KLHL1: variants seen among roughly 807,000 people sequenced by gnomAD.
The protein encoded by KLHL1 is kelch like family member 1, also known as kelch-like protein 1.
In KLHL1, 47 loss-of-function variants were observed where a neutral mutation model predicts 77.7. That is an observed-to-expected ratio of 0.60 (90% CI 0.48 to 0.77). The LOEUF (loss-of-function observed/expected upper bound fraction) is 0.77, where lower values mean the gene tolerates loss of function less well. Ranked by LOEUF, KLHL1 falls within the 30% of genes least tolerant of loss-of-function variation. KLHL1 has a pLI of 0.00. For missense variants in KLHL1, 925 were observed against 910.8 expected (o/e 1.02, Z -0.20); for synonymous variants, 360 against 325.2 (o/e 1.11, Z -1.15).
At chr13:69,780,852 AT>A (rs1421456742) in intron 7 of KLHL1, among the ~76,000 whole-genome samples, 1 of 150,028 alleles carries the variant, frequency 6.7e-6, no homozygotes, top group Non-Finnish European at 1.5e-5. Flanking sequence ...TTAACATCAC[AT>A]TTCCCCCATG....
At chr13:70,075,771 A>ATG (rs1484131964) in intron 1 of KLHL1, among the ~76,000 whole-genome samples, 1 of 146,314 alleles carries the variant, frequency 6.8e-6, no homozygotes, top group Non-Finnish European at 1.5e-5. Context: ...ATATATATAT[A>ATG]TACATATATA....
chr13:69,734,261 CT>C (rs1368197204), intron 8 of KLHL1, among the ~76,000 whole-genome samples: 3 of 152,146 alleles, frequency 2.0e-5, no homozygotes, highest in Non-Finnish European at 4.4e-5. Flanking sequence ...CTGCTCCCCC[CT>C]GGCCTTCTGC....
chr13:70,068,626 G>A (rs180910147), intron 1 of KLHL1, among the ~76,000 whole-genome samples: 1 of 152,294 alleles, frequency 6.6e-6, no homozygotes, highest in East Asian at 1.9e-4. Flanking sequence ...TGCCTATTTT[G>A]TGAGTGGAAA....
chr13:69,966,728 C>T (rs1884222372), intron 2 of KLHL1, among the ~76,000 whole-genome samples: 1 of 151,762 alleles, frequency 6.6e-6, no homozygotes, highest in African/African-American at 2.4e-5. Flanking sequence ...GTACATTGTA[C>T]CCATTAATCA....
intron 4 of KLHL1, among the ~76,000 whole-genome samples, chr13:69,931,959 A>C (rs1278777814): frequency 6.6e-6 from 1 of 151,836 alleles, no homozygotes; most frequent in African/African-American, 2.4e-5. Context: ...AGGCACAAAA[A>C]TATTTTAAAT....
chr13:69,741,327 G>C (rs1046370092), intron 7 of KLHL1, among the ~76,000 whole-genome samples: 1 of 152,006 alleles, frequency 6.6e-6, no homozygotes, highest in African/African-American at 2.4e-5. Flanking sequence ...GTGCTCTTTA[G>C]CTGTACAGAA....
intron 1 of KLHL1, among the ~76,000 whole-genome samples, chr13:70,049,795 A>G (rs1320424891): frequency 6.6e-6 from 1 of 152,090 alleles, no homozygotes; most frequent in Admixed American, 6.6e-5. Context: ...TAGAAATTCA[A>G]ACTTAGTATT....
At chr13:69,727,563 G>A (rs1873357642) in intron 8 of KLHL1, among the ~76,000 whole-genome samples, 1 of 152,102 alleles carries the variant, frequency 6.6e-6, no homozygotes, top group Non-Finnish European at 1.5e-5. Flanking sequence ...GTCAAGAAAA[G>A]AGAATGGAGA....
rs1373826392 is a variant in KLHL1, at chr13:69,975,609, G to C, written c.680+11C>G. ...TGAATGCATGTTTCCAGTAGAGGCA[G>C]ACTACTGTACCTATGTGCAGGTATC... is the stretch of plus-strand genomic sequence containing the variant. On this transcript the variant is annotated intron_variant, in intron 2 of 10. Transcript: ENST00000377844. The C allele has an allele frequency of 3.1e-6, 5 of 1,604,298 alleles. No individual in the cohort carries two copies. Among genetic ancestry groups the C allele is most frequent in the Non-Finnish European group, 4.2e-6 (5 of 1,176,492 alleles).
intron 1 of KLHL1, among the ~76,000 whole-genome samples, chr13:70,043,714 C>G (rs1240735149): frequency 1.3e-5 from 2 of 152,212 alleles, no homozygotes; most frequent in African/African-American, 2.4e-5. Context: ...CTAGAAGCAA[C>G]AGACTATACC....
intron 1 of KLHL1, among the ~76,000 whole-genome samples, chr13:70,016,046 A>T (rs941501489): frequency 3.9e-5 from 6 of 152,206 alleles, no homozygotes; most frequent in African/African-American, 1.4e-4. Context: ...TTTTAATGAA[A>T]ATATCAATTT....
At chr13:69,724,121 T>G (rs768654387) in intron 8 of KLHL1, among the ~76,000 whole-genome samples, 1 of 152,096 alleles carries the variant, frequency 6.6e-6, no homozygotes, top group African/African-American at 2.4e-5. Context: ...AGTCGTGAGA[T>G]ACCGTGCCTG....
chr13:69,914,806 T>C (rs1342955712), intron 4 of KLHL1, among the ~76,000 whole-genome samples: 1 of 152,126 alleles, frequency 6.6e-6, no homozygotes, highest in Non-Finnish European at 1.5e-5. Context: ...GGGTCAATCA[T>C]TTAGGATAGG....
At chr13:70,032,226 G>T (rs1886119741) in intron 1 of KLHL1, among the ~76,000 whole-genome samples, 1 of 152,198 alleles carries the variant, frequency 6.6e-6, no homozygotes, top group South Asian at 2.1e-4. Flanking sequence ...GACGTAAAAA[G>T]ACTTGATGGG....
At chr13:69,788,239 T>C (rs958937752) in intron 7 of KLHL1, among the ~76,000 whole-genome samples, 3 of 152,184 alleles carry the variant, frequency 2.0e-5, no homozygotes, top group South Asian at 2.1e-4. Context: ...CTATTCACAA[T>C]AGCAAAGACT....
chr13:69,865,013 C>G (rs1387904654), intron 5 of KLHL1, among the ~76,000 whole-genome samples: 1 of 152,134 alleles, frequency 6.6e-6, no homozygotes, highest in Non-Finnish European at 1.5e-5. Flanking sequence ...GTGGTGTGAT[C>G]ACAGATTACT....
chr13:69,841,735 A>C (rs1879269112), intron 5 of KLHL1, among the ~76,000 whole-genome samples: 1 of 151,894 alleles, frequency 6.6e-6, no homozygotes, highest in Non-Finnish European at 1.5e-5. Context: ...CATCAAACCA[A>C]AAAAGAGCCC....
chr13:69,798,205 A>C (rs1410794099), intron 6 of KLHL1, among the ~76,000 whole-genome samples: 1 of 152,222 alleles, frequency 6.6e-6, no homozygotes, highest in Non-Finnish European at 1.5e-5. Context: ...TCTACAAAGC[A>C]AATTAACATT....
chr13:69,881,367 T>G (rs1252431063), intron 5 of KLHL1, among the ~76,000 whole-genome samples: 1 of 152,174 alleles, frequency 6.6e-6, no homozygotes, highest in Admixed American at 6.5e-5. Flanking sequence ...GTTTTATATT[T>G]TTAGTAACAT....
Sources: allele counts gnomAD v4.1 joint callset (sites outside exome capture counted in the v4.1 genomes callset), GRCh38; gene constraint gnomAD v4.1.1; transcripts MANE v1.5; gene names NCBI Gene and HGNC (gene_info 2026-07-23, HGNC 2026-07-21).